Variants in ATAD2B observed in about 807,000 individuals in gnomAD.
ATAD2B encodes the protein ATPase family AAA domain containing 2B.
ATAD2B carries 40 observed loss-of-function variants against 167.6 expected under a neutral mutation model. The ratio of observed to expected loss-of-function variants is 0.24; its 90% confidence interval spans 0.19 to 0.31. The LOEUF (loss-of-function observed/expected upper bound fraction) is 0.31. ATAD2B is among the 10% of genes least tolerant of loss of function. The probability of loss-of-function intolerance (pLI) is 1.00; values close to 1 mark genes in which losing one functional copy is unlikely to be tolerated. For missense variants in ATAD2B, 1,242 were observed against 1,757.2 expected, an observed-to-expected ratio of 0.71 and a Z score of 5.24; for synonymous variants, 579 against 596.5, an observed-to-expected ratio of 0.97 and a Z score of 0.43.
chr2:23,698,367 G>A, the ATAD2B span, among the ~76,000 whole-genome samples: 2,142 of 152,290 alleles, frequency 0.014, 19 homozygotes, highest in Middle Eastern at 0.034. Context: ...GGGAAGGAAC[G>A]CTCACTGCTT....
chr2:23,895,822 G>C lies in ATAD2B; in HGVS notation c.365C>G (p.Ala122Gly). 1 of 1,607,158 alleles carries C rather than the reference G, an allele frequency of 6.2e-7. No individual in the cohort carries two copies. Residue 122 changes from alanine to glycine, a missense_variant, in exon 2 of 28, where the codon GCC becomes GGC. Coordinates refer to ENST00000238789, the MANE Select transcript of ATAD2B (RefSeq NM_017552.4). ...REEWNLSTGQ[A>G]RLTSQPGATL... is the part of the protein sequence containing the mutation. ...TCAATGAGTTCTCCTTTCTCACCTG[G>C]CCTGTCCAGTTGATAAGTTCCATTC... is the stretch of plus-strand genomic sequence containing the variant.
chr2:23,713,403 T>C, the ATAD2B span, among the ~76,000 whole-genome samples: 3 of 93,620 alleles, frequency 3.2e-5, no homozygotes, highest in Non-Finnish European at 5.0e-5. Context: ...TTTATGGAGG[T>C]TTTTTTTTTT....
chr2:23,806,695 T>G (rs1445711196), intron 18 of ATAD2B, among the ~76,000 whole-genome samples: 2 of 152,154 alleles, frequency 1.3e-5, no homozygotes, highest in African/African-American at 4.8e-5. Context: ...TTACCATTCA[T>G]TAGCTGTAAG....
chr2:23,783,191 A>G (rs1206195043), intron 21 of ATAD2B, among the ~76,000 whole-genome samples, 163 bp from the exon 22 acceptor site: 3 of 151,934 alleles, frequency 2.0e-5, no homozygotes, highest in Admixed American at 1.3e-4. Context: ...CAAAGTTACT[A>G]TCTGTCATAC....
At chr2:23,847,815 T>C (rs1483676203) in intron 13 of ATAD2B, among the ~76,000 whole-genome samples, 5 of 148,160 alleles carry the variant, frequency 3.4e-5, no homozygotes, top group Non-Finnish European at 7.5e-5. Context: ...TAAAACCCCA[T>C]CTCTACTAAA....
chr2:23,869,558 G>C, intron 9 of ATAD2B, 105 bp downstream of exon 9: 1 of 780,482 alleles, frequency 1.3e-6, no homozygotes, highest in Non-Finnish European at 2.2e-6. Context: ...TCTTAATCTA[G>C]TCTAAAATAT....
chr2:23,926,633 G>A lies in ATAD2B; in HGVS notation c.138C>T (p.Ser46=). 1 of 1,563,820 alleles carries A rather than the reference G, an allele frequency of 6.4e-7. No homozygotes were observed. The highest frequency in any genetic ancestry group is 8.7e-7 in the Non-Finnish European group (1 of 1,155,258). ...CGGGGCAGCTGGCGGCGCGGGTCTT[G>A]GAGGAGCGGGTCCGAGAGGAGATGA... ...SHFISSRTRS[S]KTRAASCPAA... Residue 46 remains serine (S), a synonymous_variant, in exon 1 of 28, where the codon TCC becomes TCT. Transcript: ENST00000238789.
chr2:23,748,587 A>T (rs1675047172), downstream of ATAD2B: 2 of 152,170 alleles, frequency 1.3e-5, no homozygotes, highest in Admixed American at 6.5e-5. Context: ...GCCTCTCTCT[A>T]AAACAGTCTA....
chr2:23,722,847 A>C, the ATAD2B span, among the ~76,000 whole-genome samples: 1 of 152,244 alleles, frequency 6.6e-6, no homozygotes, highest in Admixed American at 6.5e-5. Context: ...GTCAAGTCAC[A>C]TGTAACAGAA....
At chr2:23,795,007 T>G (rs928838140) in intron 19 of ATAD2B, among the ~76,000 whole-genome samples, 2 of 152,176 alleles carry the variant, frequency 1.3e-5, no homozygotes, top group African/African-American at 4.8e-5. Context: ...GTCCCACTAA[T>G]AAGACACTAA....
intron 10 of ATAD2B, among the ~76,000 whole-genome samples, chr2:23,867,294 A>G (rs561548911): frequency 2.0e-4 from 31 of 152,306 alleles, no homozygotes; most frequent in African/African-American, 7.2e-4. Context: ...AACCTGGGTA[A>G]TACTCTCAAG....
rs1704996380 is a variant in ATAD2B, at chr2:23,927,018, C to A, written c.-248G>T. 2.1e-6 allele frequency: 1 copy of A among 487,674 alleles called. No individual in the cohort carries two copies. The highest frequency in any genetic ancestry group is 3.6e-5 in the East Asian group (1 of 28,000). The allele number at this position is 487,674 out of a possible 1,614,324, so 30.2% of individuals were successfully genotyped here. A position where few individuals can be genotyped will look rare whatever the true frequency, so the allele number is the denominator to read the frequency against. Reference sequence around the variant, plus strand: ...CAGCACAGACACTCCGCCGGCTTCGCCCTCCTCAGCGGGAGCCGAGCGGAG... The same window carrying A: ...CAGCACAGACACTCCGCCGGCTTCGACCTCCTCAGCGGGAGCCGAGCGGAG... On this transcript the variant is annotated 5_prime_UTR_variant, in exon 1 of 28. Transcript: ENST00000238789.
At chr2:23,720,947 G>A in the ATAD2B span, among the ~76,000 whole-genome samples, 1 of 150,270 alleles carries the variant, frequency 6.7e-6, no homozygotes, top group Non-Finnish European at 1.5e-5. Context: ...CAGGCCAGTA[G>A]CCACTGCACC....
the ATAD2B span, among the ~76,000 whole-genome samples, chr2:23,739,367 A>G: frequency 2.4e-3 from 359 of 152,344 alleles, 3 homozygotes; most frequent in African/African-American, 8.1e-3. Flanking sequence ...ACCACAGTGC[A>G]ATCAAACTAG....
At chr2:23,892,119 CA>C (rs1699589356) in intron 2 of ATAD2B, among the ~76,000 whole-genome samples, 1 of 152,212 alleles carries the variant, frequency 6.6e-6, no homozygotes, top group Non-Finnish European at 1.5e-5. Flanking sequence ...TACCTAACCA[CA>C]AAAGGAAACT....
rs761360988 is a variant in ATAD2B, at chr2:23,819,725, A to T, written c.2267+22T>A. 8 of 1,550,112 alleles carry T rather than the reference A, an allele frequency of 5.2e-6. No homozygotes were observed. The South Asian group carries it at 9.5e-5, about 18-fold the overall frequency. On this transcript the variant is annotated intron_variant, in intron 17 of 27. Coordinates refer to ENST00000238789, the MANE Select transcript of ATAD2B (RefSeq NM_017552.4). ...ATCAAAAATCACTCTAAATACAAAGAAAGTTGATATAAATCACTCACATTG... is the reference window on the plus strand; with the variant it reads ...ATCAAAAATCACTCTAAATACAAAGTAAGTTGATATAAATCACTCACATTG...
At chr2:23,892,230 C>A (rs1300239661) in intron 2 of ATAD2B, among the ~76,000 whole-genome samples, 1 of 152,212 alleles carries the variant, frequency 6.6e-6, no homozygotes, top group African/African-American at 2.4e-5. Context: ...GTGGCGCGAT[C>A]TTGGCTCATT....
rs1273503043 is a variant in ATAD2B, at chr2:23,926,576, G to T, written c.195C>A (p.Gly65=). The part of the protein sequence containing the change: ...AAKAGGSGGA[G]VTLDEARKVE... The stretch of plus-strand genomic sequence containing the variant: ...TTACCCTGGCCTCATCCAGAGTGAC[G>T]CCGGCGCCACCGCTTCCCCCGGCTT... Residue 65 remains glycine, a synonymous_variant, in exon 1 of 28, where the codon GGC becomes GGA. Coordinates refer to ENST00000238789, the MANE Select transcript of ATAD2B (RefSeq NM_017552.4). 6.4e-7 allele frequency: 1 copy of T among 1,554,648 alleles called. No individual in the cohort carries two copies. The highest frequency in any genetic ancestry group is 1.9e-5 in the Admixed American group (1 of 51,746).
intron 1 of ATAD2B, among the ~76,000 whole-genome samples, chr2:23,916,496 A>G (rs1703058678): frequency 6.6e-6 from 1 of 152,196 alleles, no homozygotes; most frequent in African/African-American, 2.4e-5. Flanking sequence ...AAAATATCAG[A>G]CCACTCCAAT....
Sources: gnomAD v4.1 joint callset for allele counts (sites outside exome capture counted in the v4.1 genomes callset) on GRCh38, gnomAD v4.1.1 for gene constraint, MANE v1.5 for transcripts, NCBI Gene and HGNC (gene_info 2026-07-23, HGNC 2026-07-21) for gene names.